Variants in CELF2 observed in about 807,000 individuals in gnomAD.
The protein encoded by CELF2 is CUG triplet repeat RNA-binding protein 2.
Under a neutral mutation model 62.6 loss-of-function variants are expected in CELF2, and 8 were observed. That is an observed-to-expected ratio of 0.13 (90% CI 0.07 to 0.23). The LOEUF (loss-of-function observed/expected upper bound fraction) is 0.23. Among genes scored for constraint, CELF2 ranks in the 10% least tolerant of loss-of-function variants. The pLI is 1.00. For synonymous variants in CELF2, 258 were observed against 250.0 expected, an observed-to-expected ratio of 1.03 and a Z score of -0.30; for missense variants, 333 against 671.0, an observed-to-expected ratio of 0.50 and a Z score of 5.56.
chr10:10,632,870 T>A, the CELF2 span, among the ~76,000 whole-genome samples: 68,375 of 151,946 alleles, frequency 0.45, 15,886 homozygotes, highest in South Asian at 0.71. Flanking sequence ...ACAGCTACGA[T>A]TATGTATATC....
In CELF2 at chr10:11,297,203, C is replaced by T. The variant is rs1222697078; in HGVS notation, c.976+8651C>T. Among the ~76,000 whole-genome samples, 1 of 152,124 alleles carries T rather than the reference C, an allele frequency of 6.6e-6. No homozygotes were observed. Among genetic ancestry groups the T allele is most frequent in the Non-Finnish European group, 1.5e-5 (1 of 68,018 alleles). ...GGAGGAAGCTGTCATATAAAATGAT[C>T]GGACGTGGCACATGGAGAGCTCAAG... On this transcript the variant is annotated intron_variant, in intron 9 of 12. Transcript: ENST00000633077. This position sits in a 1 kb window ranked among gnomAD's most constrained non-coding sequence, Gnocchi z 4.4.
chr10:11,007,612 C>T (rs1022450571), intron 1 of CELF2, among the ~76,000 whole-genome samples: 4 of 152,134 alleles, frequency 2.6e-5, no homozygotes, highest in African/African-American at 9.7e-5. Context: ...CTGCTCATTC[C>T]ATCGTATACC....
At chr10:11,216,318 GA>G (rs1188893495) in intron 2 of CELF2, among the ~76,000 whole-genome samples, 6 of 152,148 alleles carry the variant, frequency 3.9e-5, no homozygotes, top group African/African-American at 1.4e-4. Context: ...TTTTCCCCCT[GA>G]AATGGCAGCA....
chr10:10,858,570 A>C (rs1280265849), intron 1 of CELF2, among the ~76,000 whole-genome samples: 2 of 152,108 alleles, frequency 1.3e-5, no homozygotes, highest in Non-Finnish European at 2.9e-5. Context: ...TTTTCTTCCT[A>C]CTGTCAAAAA....
At chr10:10,569,258 G>A in the CELF2 span, among the ~76,000 whole-genome samples, 1 of 152,106 alleles carries the variant, frequency 6.6e-6, no homozygotes, top group Non-Finnish European at 1.5e-5. Context: ...GGCTGGGGAG[G>A]CCTCACAATC....
chr10:10,680,746 C>T, the CELF2 span, among the ~76,000 whole-genome samples: 4 of 152,324 alleles, frequency 2.6e-5, no homozygotes, highest in African/African-American at 7.2e-5. Context: ...TCATATCAAA[C>T]AGGACATTCC....
chr10:10,597,140 T>A, the CELF2 span, among the ~76,000 whole-genome samples: 1 of 152,170 alleles, frequency 6.6e-6, no homozygotes, highest in African/African-American at 2.4e-5. Flanking sequence ...AAATATGAAT[T>A]TTCTAAGTGT....
intron 1 of CELF2, among the ~76,000 whole-genome samples, chr10:11,042,706 T>G (rs2062056095): frequency 6.6e-6 from 1 of 152,172 alleles, no homozygotes; most frequent in Non-Finnish European, 1.5e-5. Flanking sequence ...CCAATTTCCC[T>G]TAGCCCCAGG....
At chr10:10,528,571 A>G in the CELF2 span, among the ~76,000 whole-genome samples, 1 of 152,208 alleles carries the variant, frequency 6.6e-6, no homozygotes, top group African/African-American at 2.4e-5. Flanking sequence ...GTCTGCCTGT[A>G]GTGCTGGCCT....
intron 1 of CELF2, among the ~76,000 whole-genome samples, chr10:11,096,713 G>GGA: frequency 6.6e-6 from 1 of 152,242 alleles, no homozygotes; most frequent in South Asian, 2.1e-4. Flanking sequence ...TGGCTCAGAA[G>GGA]CAATTCTGAG....
chr10:11,108,084 T>TCCTCTCCCCACTCCCTC (rs200970480), intron 1 of CELF2, among the ~76,000 whole-genome samples: 2 of 20,790 alleles, frequency 9.6e-5, no homozygotes, highest in African/African-American at 2.0e-4. Context: ...CCCACTCCCT[T>TCCTCTCCCCACTCCCTC]CCTCTCCCCA....
At chr10:10,911,953 G>T (rs1350253128) in intron 1 of CELF2, among the ~76,000 whole-genome samples, 1 of 152,242 alleles carries the variant, frequency 6.6e-6, no homozygotes, top group African/African-American at 2.4e-5. Flanking sequence ...TCTAAGTGAT[G>T]TGGTGAGTTT....
chr10:11,231,266 G>C (rs566580542), intron 3 of CELF2, among the ~76,000 whole-genome samples: 3 of 152,346 alleles, frequency 2.0e-5, no homozygotes, highest in African/African-American at 7.2e-5. Context: ...ATTGTAGTCT[G>C]TAAGGACAAA....
exon 1 of CELF2, chr10:10,798,683 G>T: frequency 5.0e-6 from 2 of 398,616 alleles, no homozygotes; most frequent in Non-Finnish European, 8.8e-6. Context: ...GCCCGGCCTG[G>T]GTCCAGAATC....
chr10:10,862,543 G>A (rs1289763579), intron 1 of CELF2, among the ~76,000 whole-genome samples: 2 of 152,142 alleles, frequency 1.3e-5, no homozygotes, highest in Admixed American at 6.5e-5. Context: ...TAGGCAGAAG[G>A]TACTTGGCCA....
chr10:10,606,157 A>G, the CELF2 span, among the ~76,000 whole-genome samples: 1 of 152,226 alleles, frequency 6.6e-6, no homozygotes, highest in Non-Finnish European at 1.5e-5. Flanking sequence ...AGAAGGATTC[A>G]GTGACTGCCT....
In CELF2 at chr10:11,227,363, G is replaced by A. The variant is rs573809438; in HGVS notation, c.354+9856G>A. ...CCAGGGCACTGAGAGGTAGAACCAG[G>A]CAGCCCACGCCACAGATGGCACAGC... On this transcript the variant is annotated intron_variant, in intron 3 of 12. Coordinates refer to ENST00000633077, the MANE Select transcript of CELF2 (RefSeq NM_001326342.2). The surrounding 1 kb of genome is among the most constrained non-coding windows in gnomAD (Gnocchi z 4.8). Among the ~76,000 whole-genome samples the A allele has an allele frequency of 3.7e-4, 57 of 152,330 alleles. No individual in the cohort carries two copies. The highest frequency in any genetic ancestry group is 6.9e-4 in the Non-Finnish European group (47 of 68,022).
chr10:11,104,602 C>T (rs1436033769), intron 1 of CELF2, among the ~76,000 whole-genome samples: 3 of 152,038 alleles, frequency 2.0e-5, no homozygotes, highest in Admixed American at 6.5e-5. Flanking sequence ...GGATGGATTG[C>T]GCCCAGGAGG....
At chr10:10,588,274 A>T in the CELF2 span, among the ~76,000 whole-genome samples, 53 of 152,086 alleles carry the variant, frequency 3.5e-4, no homozygotes, top group Admixed American at 9.2e-4. Flanking sequence ...AGAGAAAGAA[A>T]CTCCTTCAAC....
Sources: allele counts gnomAD v4.1 joint callset (sites outside exome capture counted in the v4.1 genomes callset), GRCh38; gene constraint gnomAD v4.1.1; non-coding constraint Gnocchi (gnomAD v3.1); transcripts MANE v1.5; gene names NCBI Gene and HGNC (gene_info 2026-07-23, HGNC 2026-07-21).